Variants in ROBO2 observed in about 807,000 individuals in gnomAD.
The protein encoded by ROBO2 is roundabout guidance receptor 2, also known as roundabout homolog 2.
A neutral mutation model predicts 160.8 loss-of-function variants in ROBO2; 53 were observed. The ratio of observed to expected loss-of-function variants is 0.33; its 90% CI spans 0.26 to 0.41. The LOEUF is 0.41. ROBO2 is among the 10% of genes least tolerant of loss of function. ROBO2 has a pLI of 1.00. For synonymous variants in ROBO2, 664 were observed against 611.7 expected, an observed-to-expected ratio of 1.09 and a Z score of -1.26; for missense variants, 1,577 against 1,722.4, an observed-to-expected ratio of 0.92 and a Z score of 1.49.
chr3:76,791,897 C>A (rs1389257546), intron 2 of ROBO2, among the ~76,000 whole-genome samples: 1 of 151,686 alleles, frequency 6.6e-6, no homozygotes. Context: ...ATTTACATAG[C>A]CTTTTACATT....
At chr3:77,639,275 G>C (rs1008146717) in intron 24 of ROBO2, among the ~76,000 whole-genome samples, 1 of 152,024 alleles carries the variant, frequency 6.6e-6, no homozygotes, top group Non-Finnish European at 1.5e-5. Context: ...ACATATAATA[G>C]ACAATGGGAG....
intron 2 of ROBO2, among the ~76,000 whole-genome samples, chr3:76,594,765 T>C (rs1193892861): frequency 6.6e-6 from 1 of 152,048 alleles, no homozygotes; most frequent in Non-Finnish European, 1.5e-5. Context: ...CAAATTTACT[T>C]TGAGGTCAAT....
At chr3:76,473,627 A>G (rs180884045) in intron 2 of ROBO2, among the ~76,000 whole-genome samples, 178 of 152,298 alleles carry the variant, frequency 1.2e-3, no homozygotes, top group African/African-American at 4.1e-3. Flanking sequence ...AGGCGATCAT[A>G]TAAGGGGATA....
At position 76,361,111 on chromosome 3, in the gene ROBO2, C is replaced by T. The variant is rs560870314; in HGVS notation, c.109+423509C>T. Among the ~76,000 whole-genome samples the T allele has an allele frequency of 7.2e-5, 11 of 152,014 alleles. No homozygotes were observed. The South Asian group carries it at 1.0e-3, about 14-fold the overall frequency. ...GAAAACATTGTATTGTTTTCATAAG[C>T]GCTGCAAGTTAGAATTACTCTTGAT... On this transcript the variant is annotated intron_variant, in intron 2 of 26. Coordinates refer to the ROBO2 transcript ENST00000487694.
At chr3:76,616,521 A>G (rs948374939) in intron 2 of ROBO2, among the ~76,000 whole-genome samples, 2 of 152,114 alleles carry the variant, frequency 1.3e-5, no homozygotes, top group Admixed American at 6.5e-5. Context: ...TTCCACTCAG[A>G]TTTCCACAGA....
intron 2 of ROBO2, among the ~76,000 whole-genome samples, chr3:76,696,475 G>C (rs566346919): frequency 6.6e-6 from 1 of 151,450 alleles, no homozygotes; most frequent in Non-Finnish European, 1.5e-5. Flanking sequence ...TTGCTGGCTC[G>C]AATGCCTGGG....
intron 9 of ROBO2, among the ~76,000 whole-genome samples, chr3:77,561,383 A>G (rs1030242399): frequency 3.9e-5 from 6 of 151,910 alleles, no homozygotes; most frequent in African/African-American, 9.7e-5. Flanking sequence ...CTTTTCCTTT[A>G]CTCCTAAATT....
intron 12 of ROBO2, among the ~76,000 whole-genome samples, chr3:77,567,064 A>C (rs1227159102): frequency 6.6e-6 from 1 of 151,722 alleles, no homozygotes; most frequent in Non-Finnish European, 1.5e-5. Context: ...GTAAAACTTC[A>C]TTTTACTGTT....
At chr3:76,043,819 G>A (rs747868470) in intron 2 of ROBO2, among the ~76,000 whole-genome samples, 1 of 151,798 alleles carries the variant, frequency 6.6e-6, no homozygotes, top group Non-Finnish European at 1.5e-5. Context: ...AATGGCCTCT[G>A]GCCTTTTGGA....
At chr3:77,355,882 C>T (rs1404418891) in intron 2 of ROBO2, among the ~76,000 whole-genome samples, 1 of 150,346 alleles carries the variant, frequency 6.7e-6, no homozygotes, top group Admixed American at 6.6e-5. Flanking sequence ...TTGATGTACA[C>T]ACTGTATAAT....
chr3:76,634,862 C>T (rs2090237070), intron 2 of ROBO2, among the ~76,000 whole-genome samples: 1 of 152,236 alleles, frequency 6.6e-6, no homozygotes, highest in Admixed American at 6.5e-5. Flanking sequence ...AGCATTACCT[C>T]CAGAGCTCTG....
chr3:77,124,318 G>T (rs1332798680), intron 2 of ROBO2, among the ~76,000 whole-genome samples: 1 of 152,104 alleles, frequency 6.6e-6, no homozygotes, highest in Non-Finnish European at 1.5e-5. Flanking sequence ...CATATCAGAA[G>T]GAAATAGCAC....
At chr3:77,081,714 T>A (rs2068677797) in intron 1 of ROBO2, among the ~76,000 whole-genome samples, 1 of 152,184 alleles carries the variant, frequency 6.6e-6, no homozygotes, top group Non-Finnish European at 1.5e-5. Context: ...GAAAATTCTA[T>A]GAGCAATGAG....
At chr3:76,925,860 C>A (rs2076959574) in intron 2 of ROBO2, among the ~76,000 whole-genome samples, 1 of 152,150 alleles carries the variant, frequency 6.6e-6, no homozygotes, top group South Asian at 2.1e-4. Context: ...GTTTCACACA[C>A]TCCTATGGAT....
chr3:77,163,888 T>C (rs1181141979), intron 2 of ROBO2, among the ~76,000 whole-genome samples: 3 of 152,226 alleles, frequency 2.0e-5, no homozygotes, highest in Non-Finnish European at 4.4e-5. Context: ...GATGGATGTA[T>C]AGCTAGGCAG....
intron 2 of ROBO2, among the ~76,000 whole-genome samples, chr3:76,258,152 C>A (rs1021361434): frequency 6.6e-6 from 1 of 151,856 alleles, no homozygotes; most frequent in Admixed American, 6.6e-5. Flanking sequence ...CAAAACTAAA[C>A]ACTTTTTTTT....
At chr3:76,874,340 C>G (rs1195842101) in intron 2 of ROBO2, among the ~76,000 whole-genome samples, 4 of 152,186 alleles carry the variant, frequency 2.6e-5, no homozygotes, top group Non-Finnish European at 5.9e-5. Flanking sequence ...CAAGCTGCCT[C>G]AGGTTTCTCG....
At chr3:76,485,096 T>C (rs1481751199) in intron 2 of ROBO2, among the ~76,000 whole-genome samples, 2 of 152,076 alleles carry the variant, frequency 1.3e-5, no homozygotes, top group Non-Finnish European at 2.9e-5. Flanking sequence ...GCGGGGATGG[T>C]TTCAGGATGA....
chr3:76,328,423 T>G (rs71195262), intron 2 of ROBO2, among the ~76,000 whole-genome samples: 10,415 of 152,260 alleles, frequency 0.068, 440 homozygotes, highest in African/African-American at 0.12. Flanking sequence ...CTCTCAAAAT[T>G]TGTCCATTAA....
Sources: gnomAD v4.1 joint callset for allele counts (sites outside exome capture counted in the v4.1 genomes callset) on GRCh38, gnomAD v4.1.1 for gene constraint, MANE v1.5 for transcripts, NCBI Gene and HGNC (gene_info 2026-07-23, HGNC 2026-07-21) for gene names.